Variants in ALS2 observed in about 807,000 individuals in gnomAD.
ALS2 encodes the protein alsin.
Under a neutral mutation model 203.4 loss-of-function variants are expected in ALS2, and 117 were observed. The observed-to-expected ratio is 0.58, with a 90% CI of 0.50 to 0.67. The LOEUF (loss-of-function observed/expected upper bound fraction) is 0.67, where lower values mean the gene tolerates loss of function less well. Ranked by LOEUF, ALS2 falls within the 30% of genes least tolerant of loss-of-function variation. ALS2 has a pLI of 0.00. For missense variants in ALS2, 1,715 were observed against 1,989.4 expected (o/e 0.86, Z 2.62); for synonymous variants, 718 against 725.9 (o/e 0.99, Z 0.17).
chr2:201,774,863 G>C (rs138057346), intron 1 of ALS2, among the ~76,000 whole-genome samples: 1 of 152,040 alleles, frequency 6.6e-6, no homozygotes, highest in African/African-American at 2.4e-5. Flanking sequence ...ATATATAACA[G>C]GTACTCAATA....
chr2:201,767,123 A>G (rs1229211780), intron 3 of ALS2, 106 bp downstream of exon 3: 3 of 1,332,110 alleles, frequency 2.3e-6, no homozygotes, highest in African/African-American at 3.0e-5. Flanking sequence ...AAAGAAAGAA[A>G]AAGAAAAAGA....
In ALS2 at chr2:201,728,582, G is replaced by A; in HGVS notation, c.2771C>T (p.Ser924Phe). The change falls in exon 15 of 34, where the codon TCT becomes TTT. Residue 924 changes from serine (S) to phenylalanine (F), a missense_variant. Coordinates refer to ENST00000264276, the MANE Select transcript of ALS2 (RefSeq NM_020919.4). ...GGAAAACCTCCCAGCATGCTGCAGAGACAGGGCTCGGTTACTACTCTCACA... is the reference window on the plus strand; with the variant it reads ...GGAAAACCTCCCAGCATGCTGCAGAAACAGGGCTCGGTTACTACTCTCACA... ...LLCESSNRALSLQHAGRFSVN... is the reference protein window; with the variant it reads ...LLCESSNRALFLQHAGRFSVN... 6.2e-7 allele frequency: 1 copy of A among 1,614,140 alleles called. No individual in the cohort carries two copies. The highest frequency in any genetic ancestry group is 8.5e-7 in the Non-Finnish European group (1 of 1,180,018).
At chr2:201,779,576 A>G (rs761088951) in intron 1 of ALS2, among the ~76,000 whole-genome samples, 10 of 152,226 alleles carry the variant, frequency 6.6e-5, no homozygotes, top group Non-Finnish European at 7.3e-5. Flanking sequence ...ATCATGATGT[A>G]GTGGGAGGAA....
At chr2:201,743,837 A>C (rs1692454434) in intron 10 of ALS2, among the ~76,000 whole-genome samples, 1 of 152,220 alleles carries the variant, frequency 6.6e-6, no homozygotes, top group South Asian at 2.1e-4. Flanking sequence ...GTAAATCCAA[A>C]TAAATCTCTA....
chr2:201,730,673 T>C (rs1381902979), intron 13 of ALS2, among the ~76,000 whole-genome samples: 2 of 126,974 alleles, frequency 1.6e-5, no homozygotes, highest in Non-Finnish European at 3.5e-5. Flanking sequence ...AGAGGAGCTC[T>C]CAACTCAACT....
rs938979274 is a variant in ALS2 at position 201,700,347 on chromosome 2, T to C, written c.*1504A>G. ...CCTTGGGTTATTGGGGTCAGAAAGTTAATTTGCTCTTTGCTAGAAAGGGTG... is the reference window on the plus strand; with the variant it reads ...CCTTGGGTTATTGGGGTCAGAAAGTCAATTTGCTCTTTGCTAGAAAGGGTG... On this transcript the variant is annotated 3_prime_UTR_variant, in exon 34 of 34. Transcript: ENST00000264276. Among the ~76,000 whole-genome samples, 5 of 152,214 alleles carry C rather than the reference T, an allele frequency of 3.3e-5. No individual in the cohort carries two copies. The highest frequency in any genetic ancestry group is 7.3e-5 in the Non-Finnish European group (5 of 68,038).
chr2:201,768,265 T>C (rs1336036791), intron 2 of ALS2, among the ~76,000 whole-genome samples: 1 of 152,194 alleles, frequency 6.6e-6, no homozygotes, highest in Non-Finnish European at 1.5e-5. Context: ...ATGATTTCGG[T>C]TTAAAGAATA....
Position 201,701,879 on chromosome 2 carries a change from T to G in ALS2, c.4946A>C (p.Tyr1649Ser), listed in dbSNP as rs1559025522. 6.2e-7 allele frequency: 1 copy of G among 1,613,668 alleles called. No homozygotes were observed. The highest frequency in any genetic ancestry group is 8.5e-7 in the Non-Finnish European group (1 of 1,179,888). The change falls in exon 34 of 34, where the codon TAC (tyrosine) becomes TCC (serine). Residue 1649 changes from tyrosine to serine, a missense_variant. Physicochemically the swap from Tyr to Ser is moderately radical, Grantham distance 144. Coordinates refer to ENST00000264276, the MANE Select transcript of ALS2 (RefSeq NM_020919.4). ...IMFTTLKACY[Y>S]QIQREKLN ...GTTAAGCTTCTCACGCTGAATCTGG[T>G]AGTAACATGCCTGGAAGAAAAGTTC...
At chr2:201,713,500 T>A (rs1574673128) in intron 25 of ALS2, among the ~76,000 whole-genome samples, 1 of 152,230 alleles carries the variant, frequency 6.6e-6, no homozygotes, top group South Asian at 2.1e-4. Context: ...TTCACTTTTT[T>A]ATTTTTTCAT....
At position 201,754,550 on chromosome 2, in the gene ALS2, C is replaced by G. The variant is rs868732740; in HGVS notation, c.1593G>C (p.Trp531Cys). The G allele has an allele frequency of 1.2e-6, 2 of 1,614,122 alleles. No individual in the cohort carries two copies. The highest frequency in any genetic ancestry group is 3.3e-4 in the Middle Eastern group (2 of 6,062). The change falls in exon 6 of 34, where the codon TGG becomes TGC. Residue 531 changes from tryptophan (W) to cysteine (C), a missense_variant. Trp to Cys is a radical substitution (Grantham distance 215). Around this residue, in one of 3 missense-constraint regions of ALS2, gnomAD observed 1,227 missense variants for 1,413.5 expected, o/e 0.87. Transcript: ENST00000264276. ...CCAGCTGCCCTTCCTTCCCTTTCCC[C>G]CAGGTCCACACTTCTGTTCTCAGAG... ...LPSLRTEVWT[W>C]GKGKEGQLGH...
rs76089988 is a variant in ALS2, at chr2:201,778,028, T to C, written c.-61+2849A>G. 4.6e-4 allele frequency among the ~76,000 whole-genome samples: 70 copies of C among 152,262 alleles called. 1 individual carries two copies. The East Asian group carries it at 0.013, about 29-fold the overall frequency. ...TAATCATCCTTGTTATATGTTTGCT[T>C]AGCCAATTGCCCCAAGTTTAGTTAA... On this transcript the variant is annotated intron_variant, in intron 1 of 33. Transcript: ENST00000264276.
rs534154549 is a variant in ALS2 at position 201,757,335 on chromosome 2, G to T, written c.1471+67C>A. 72 of 1,248,454 alleles carry T rather than the reference G, an allele frequency of 5.8e-5. 1 individual carries two copies. The African/African-American group carries it at 9.0e-4, about 16-fold the overall frequency. 77.3% of individuals were successfully genotyped at this position (1,248,454 alleles called of 1,614,324 possible). A position where few individuals can be genotyped will look rare whatever the true frequency, so the allele number is the denominator to read the frequency against. On this transcript the variant is annotated intron_variant, in intron 5 of 33. Transcript: ENST00000264276. Reference sequence around the variant, plus strand: ...TTAGGACAGCTTTTTTAATAATACAGCATGCGATGTCAGGAGCATCCTGGA... The same window carrying T: ...TTAGGACAGCTTTTTTAATAATACATCATGCGATGTCAGGAGCATCCTGGA...
At chr2:201,734,467 C>CAAAAAAAAAAAAAAAAA (rs576164468) in intron 12 of ALS2, among the ~76,000 whole-genome samples, 9 of 132,376 alleles carry the variant, frequency 6.8e-5, no homozygotes, top group Admixed American at 2.3e-4. Flanking sequence ...CAGCCTGTCT[C>CAAAAAAAAAAAAAAAAA]AAAAAAAAAA....
rs753588071 is a variant in ALS2, at chr2:201,760,864, T to C, written c.1113+17A>G. The C allele has an allele frequency of 3.0e-5, 48 of 1,605,984 alleles. No individual in the cohort carries two copies. The highest frequency in any genetic ancestry group is 3.3e-4 in the Middle Eastern group (2 of 6,012). On this transcript the variant is annotated intron_variant, in intron 4 of 33. Coordinates refer to ENST00000264276, the MANE Select transcript of ALS2 (RefSeq NM_020919.4). ...CAACTCTAGACACACTTTTATTTTA[T>C]AAAATTGAGCAGGTACCTGAGATGG...
chr2:201,725,950 C>T (rs893506033), intron 19 of ALS2, among the ~76,000 whole-genome samples: 3 of 152,178 alleles, frequency 2.0e-5, no homozygotes, highest in African/African-American at 7.2e-5. Context: ...ACTTCCTTAA[C>T]ATTATACAAA....
intron 23 of ALS2, among the ~76,000 whole-genome samples, chr2:201,719,503 C>A (rs1328108710): frequency 2.0e-5 from 3 of 152,094 alleles, no homozygotes; most frequent in African/African-American, 7.2e-5. Context: ...GCAGGAGAAT[C>A]GCTTGAACCC....
intron 4 of ALS2, chr2:201,759,771 G>A: frequency 1.0e-6 from 1 of 985,142 alleles, no homozygotes; most frequent in Non-Finnish European, 1.2e-6. Flanking sequence ...TAAGAATTGA[G>A]AATCAAGAGG....
intron 4 of ALS2, among the ~76,000 whole-genome samples, chr2:201,758,761 T>TGCGCGC (rs1491560741): frequency 3.7e-4 from 16 of 43,264 alleles, no homozygotes; most frequent in African/African-American, 5.9e-4. Context: ...TGTGTGCGCA[T>TGCGCGC]GTGTGTGTGT....
At chr2:201,708,172 C>G (rs1267558489) in intron 27 of ALS2, among the ~76,000 whole-genome samples, 181 bp from the exon 28 acceptor site, 1 of 152,178 alleles carries the variant, frequency 6.6e-6, no homozygotes, top group Non-Finnish European at 1.5e-5. Context: ...AATAATACCA[C>G]TACAAAATCT....
Sources: allele counts gnomAD v4.1 joint callset (sites outside exome capture counted in the v4.1 genomes callset), GRCh38; gene constraint gnomAD v4.1.1; regional missense constraint gnomAD v4.1.1; transcripts MANE v1.5; gene names NCBI Gene and HGNC (gene_info 2026-07-23, HGNC 2026-07-21).